Variants in SPIRE1 observed in about 807,000 individuals in gnomAD.
SPIRE1 encodes the protein spire type actin nucleation factor 1.
In SPIRE1, 40 loss-of-function variants were observed where a neutral mutation model predicts 94.1. The ratio of observed to expected loss-of-function variants is 0.43; its 90% confidence interval spans 0.33 to 0.55. The LOEUF is 0.55. Ranked by LOEUF, SPIRE1 falls within the 20% of genes least tolerant of loss-of-function variation. SPIRE1 has a pLI of 0.06. For missense variants in SPIRE1, 838 were observed against 975.2 expected, an observed-to-expected ratio of 0.86 and a Z score of 1.87; for synonymous variants, 376 against 371.7, an observed-to-expected ratio of 1.01 and a Z score of -0.13.
chr18:12,547,562 C>T (rs12457903), intron 2 of SPIRE1, among the ~76,000 whole-genome samples: 51,396 of 152,004 alleles, frequency 0.34, 10,193 homozygotes, highest in East Asian at 0.58. Context: ...CTCAATAGTG[C>T]CTTTCTGCTA....
At chr18:12,547,185 A>C (rs2035197883) in intron 2 of SPIRE1, among the ~76,000 whole-genome samples, 1 of 152,238 alleles carries the variant, frequency 6.6e-6, no homozygotes, top group Non-Finnish European at 1.5e-5. Flanking sequence ...TCTTATGCCA[A>C]TGTTTATCTA....
chr18:12,523,761 G>A (rs1027276592), intron 4 of SPIRE1, among the ~76,000 whole-genome samples: 18 of 152,076 alleles, frequency 1.2e-4, no homozygotes, highest in Non-Finnish European at 2.2e-4. Flanking sequence ...ACACCACATG[G>A]CAGCCTTGAC....
At chr18:12,576,004 G>A (rs2036083867) in intron 2 of SPIRE1, among the ~76,000 whole-genome samples, 1 of 152,130 alleles carries the variant, frequency 6.6e-6, no homozygotes, top group African/African-American at 2.4e-5. Flanking sequence ...AGGAGTTCAA[G>A]ACCAGCCTGA....
At chr18:12,522,230 C>T (rs2034385305) in intron 4 of SPIRE1, among the ~76,000 whole-genome samples, 1 of 152,122 alleles carries the variant, frequency 6.6e-6, no homozygotes, top group Non-Finnish European at 1.5e-5. Context: ...GGCACAACAG[C>T]CTTAATTCCT....
chr18:12,487,659 T>A (rs2033087490), intron 8 of SPIRE1, among the ~76,000 whole-genome samples: 1 of 152,166 alleles, frequency 6.6e-6, no homozygotes, highest in South Asian at 2.1e-4. Flanking sequence ...CCCAAAGTGC[T>A]AGGATTACAG....
Position 12,610,024 on chromosome 18 carries a change from T to C in SPIRE1, c.372+25038A>G, listed in dbSNP as rs529645481. 1.3e-3 allele frequency among the ~76,000 whole-genome samples: 197 copies of C among 152,024 alleles called. 2 individuals are homozygous for C. The highest frequency in any genetic ancestry group is 3.4e-3 in the Admixed American group (52 of 15,256). ...TGCTGAACCTGGAACTGGGAGGAGG[T>C]CCTTCTTGCTCCTCACTGATGCTTC... On this transcript the variant is annotated intron_variant, in intron 2 of 16. Coordinates refer to ENST00000409402, the MANE Select transcript of SPIRE1 (RefSeq NM_001128626.2).
At chr18:12,518,399 A>T (rs1481284751) in intron 4 of SPIRE1, among the ~76,000 whole-genome samples, 1 of 152,064 alleles carries the variant, frequency 6.6e-6, no homozygotes, top group Non-Finnish European at 1.5e-5. Flanking sequence ...AGGCTGAAGC[A>T]GAAGGACTGC....
intron 10 of SPIRE1, among the ~76,000 whole-genome samples, chr18:12,476,964 C>T (rs929942622): frequency 6.6e-5 from 10 of 152,136 alleles, no homozygotes; most frequent in Non-Finnish European, 1.0e-4. Flanking sequence ...CCAGATCTCA[C>T]ATTTCTCTTT....
intron 1 of SPIRE1, among the ~76,000 whole-genome samples, chr18:12,642,791 G>A (rs550987946): frequency 9.2e-5 from 14 of 152,268 alleles, no homozygotes; most frequent in East Asian, 3.9e-4. Flanking sequence ...GGGAGGAAGA[G>A]CATTAGGACA....
chr18:12,657,296 C>T (rs942699217), intron 1 of SPIRE1, among the ~76,000 whole-genome samples: 4 of 151,788 alleles, frequency 2.6e-5, no homozygotes, highest in African/African-American at 9.7e-5. Context: ...AAACGTCCTC[C>T]GCACAGCGGA....
chr18:12,504,367 C>T (rs112331179), intron 6 of SPIRE1, among the ~76,000 whole-genome samples: 8 of 119,224 alleles, frequency 6.7e-5, no homozygotes, highest in African/African-American at 1.3e-4. Context: ...ATTAGCCAGG[C>T]GTGGTGGCAT....
intron 2 of SPIRE1, among the ~76,000 whole-genome samples, chr18:12,596,622 C>A (rs549401066): frequency 8.6e-4 from 131 of 152,148 alleles, no homozygotes; most frequent in Non-Finnish European, 1.7e-3. Flanking sequence ...ATCTGTGGCT[C>A]ATATAAAATT....
intron 6 of SPIRE1, 103 bp downstream of exon 6, chr18:12,506,374 G>A (rs2033831478): frequency 1.0e-6 from 1 of 980,650 alleles, no homozygotes; most frequent in African/African-American, 1.6e-5. Context: ...GGTCAAGCTG[G>A]TCTTGAACTC....
intron 2 of SPIRE1, among the ~76,000 whole-genome samples, chr18:12,590,987 C>T (rs1167429020): frequency 6.6e-6 from 1 of 152,130 alleles, no homozygotes; most frequent in Non-Finnish European, 1.5e-5. Flanking sequence ...ATGACAAAGT[C>T]TCTGACCTCC....
intron 13 of SPIRE1, 52 bp downstream of exon 13, chr18:12,454,294 G>A (rs2031397481): frequency 6.2e-7 from 1 of 1,605,110 alleles, no homozygotes; most frequent in Non-Finnish European, 8.5e-7. Context: ...GACTATGCAT[G>A]GGACTGGCCA....
intron 2 of SPIRE1, among the ~76,000 whole-genome samples, chr18:12,566,640 G>C (rs2035827387): frequency 6.6e-6 from 1 of 152,010 alleles, no homozygotes; most frequent in Non-Finnish European, 1.5e-5. Flanking sequence ...GCTTGGATTA[G>C]CTGTAAATGT....
In SPIRE1 at chr18:12,635,067, T is replaced by A. The variant is rs2037887016; in HGVS notation, c.367A>T (p.Thr123Ser). 1 of 1,456,718 alleles carries A rather than the reference T, an allele frequency of 6.9e-7. No homozygotes were observed. Among genetic ancestry groups the A allele is most frequent in the Non-Finnish European group, 9.4e-7 (1 of 1,064,300 alleles). 90.2% of individuals were successfully genotyped at this position (1,456,718 alleles called of 1,614,324 possible). ...GKLGYSQCME[T>S]EVIESLGIII... is the part of the protein sequence containing the mutation. ...TATTTGAGTATTTCACTTACCTCTG[T>A]TTCCATACATTGTGAATATCCCAAT... The change falls in exon 2 of 17, where the codon ACA becomes TCA. Residue 123 changes from threonine to serine, a missense_variant. Thr to Ser is a moderately conservative substitution (Grantham distance 58). Transcript: ENST00000409402.
chr18:12,532,975 G>A (rs2034729269), intron 4 of SPIRE1, among the ~76,000 whole-genome samples: 1 of 152,196 alleles, frequency 6.6e-6, no homozygotes, highest in Non-Finnish European at 1.5e-5. Flanking sequence ...TCGAAACAGG[G>A]AGATGTAGAG....
intron 2 of SPIRE1, among the ~76,000 whole-genome samples, chr18:12,556,121 T>C (rs893451579): frequency 1.3e-5 from 2 of 151,688 alleles, no homozygotes; most frequent in Admixed American, 1.3e-4. Flanking sequence ...GTCTCTATAA[T>C]GAAAACTATA....
Sources: allele counts gnomAD v4.1 joint callset (sites outside exome capture counted in the v4.1 genomes callset), GRCh38; gene constraint gnomAD v4.1.1; transcripts MANE v1.5; gene names NCBI Gene and HGNC (gene_info 2026-07-23, HGNC 2026-07-21).